LZTS1: variants seen among roughly 807,000 people sequenced by gnomAD.
LZTS1 encodes leucine zipper tumor suppressor 1.
In LZTS1, 31 loss-of-function variants were observed where a neutral mutation model predicts 45.8. The observed-to-expected ratio is 0.68, with a 90% CI of 0.51 to 0.91. The LOEUF is 0.91. Among genes scored for constraint, LZTS1 ranks in the 40% least tolerant of loss-of-function variants. The probability of loss-of-function intolerance (pLI) is 0.00; values close to 1 mark genes in which losing one functional copy is unlikely to be tolerated. For missense variants in LZTS1, 821 were observed against 788.9 expected (o/e 1.04, Z -0.49); for synonymous variants, 359 against 357.3 (o/e 1.00, Z -0.05).
chr8:20,301,912 C>T (rs756668160), intron 1 of LZTS1, among the ~76,000 whole-genome samples: 39 of 152,120 alleles, frequency 2.6e-4, no homozygotes, highest in Non-Finnish European at 4.3e-4. Context: ...AACTAACAAC[C>T]ATCTTCAGCA....
At chr8:20,254,158 T>C (rs1265668586) in intron 2 of LZTS1, among the ~76,000 whole-genome samples, 3 of 152,154 alleles carry the variant, frequency 2.0e-5, no homozygotes, top group East Asian at 1.9e-4. Context: ...TCCTAGTAAA[T>C]CAAAGCCGGG....
chr8:20,267,974 C>T (rs1800394841), intron 1 of LZTS1, among the ~76,000 whole-genome samples: 1 of 152,178 alleles, frequency 6.6e-6, no homozygotes, highest in Admixed American at 6.5e-5. Context: ...ATACCAAAGC[C>T]CGGCCACTGT....
chr8:20,276,477 T>C (rs1376874050), intron 1 of LZTS1, among the ~76,000 whole-genome samples: 1 of 152,192 alleles, frequency 6.6e-6, no homozygotes, highest in Non-Finnish European at 1.5e-5. Context: ...AGTTTCTGGA[T>C]AGTTGAACAC....
Position 20,249,997 on chromosome 8 carries a change from G to A in LZTS1, c.1516C>T (p.Arg506Trp), listed in dbSNP as rs759721425. The A allele has an allele frequency of 9.3e-6, 15 of 1,613,054 alleles. No homozygotes were observed. Among genetic ancestry groups the A allele is most frequent in the South Asian group, 5.5e-5 (5 of 91,072 alleles). Residue 506 changes from arginine (R) to tryptophan (W), a missense_variant, in exon 4 of 4, where the codon CGG (arginine) becomes TGG (tryptophan). Arg to Trp is a moderately radical substitution (Grantham distance 101). Transcript: ENST00000381569. ...TCCTCCCGCAGCTCGGCCCGCAGCC[G>A]CTCCAGCTCCCGCTGCAGGGCAGGG... ...DVPALQRELE[R>W]LRAELREERQ...
intron 1 of LZTS1, among the ~76,000 whole-genome samples, chr8:20,296,898 G>A (rs1400647846): frequency 6.6e-6 from 1 of 152,118 alleles, no homozygotes; most frequent in Non-Finnish European, 1.5e-5. Context: ...CACCGATTTG[G>A]CCTGTCACTT....
intron 1 of LZTS1, chr8:20,289,311 A>G (rs527597658): frequency 6.6e-6 from 1 of 152,336 alleles, no homozygotes; most frequent in South Asian, 2.1e-4. Context: ...ATCATTGGGT[A>G]TGGATGTAAC....
chr8:20,292,572 G>C (rs903890078), intron 1 of LZTS1, among the ~76,000 whole-genome samples: 10 of 152,240 alleles, frequency 6.6e-5, no homozygotes, highest in Non-Finnish European at 1.3e-4. Context: ...AGAGAAACAA[G>C]ACAGAAGAGT....
chr8:20,254,741 G>T, intron 2 of LZTS1, 96 bp downstream of exon 2: 1 of 1,043,992 alleles, frequency 9.6e-7, no homozygotes, highest in Non-Finnish European at 1.4e-6. Context: ...TGAATGCTCA[G>T]GTCACCACTC....
intron 1 of LZTS1, among the ~76,000 whole-genome samples, chr8:20,265,790 C>T (rs1800342750): frequency 6.6e-6 from 1 of 151,790 alleles, no homozygotes; most frequent in Non-Finnish European, 1.5e-5. Flanking sequence ...AGGCCTGGCT[C>T]CCATCTCCCT....
At chr8:20,275,069 A>G (rs1182452449) in intron 1 of LZTS1, among the ~76,000 whole-genome samples, 1 of 151,824 alleles carries the variant, frequency 6.6e-6, no homozygotes, top group Non-Finnish European at 1.5e-5. Flanking sequence ...ACAGATACTA[A>G]TGTGTGTGGA....
chr8:20,290,431 G>A (rs1345979643), intron 1 of LZTS1: 2 of 152,340 alleles, frequency 1.3e-5, no homozygotes, highest in East Asian at 3.9e-4. Flanking sequence ...GAGCTCTCCT[G>A]GAAGGTACAT....
intron 1 of LZTS1, among the ~76,000 whole-genome samples, chr8:20,259,133 G>A (rs185280008): frequency 5.3e-4 from 81 of 152,262 alleles, no homozygotes; most frequent in Non-Finnish European, 1.2e-4. Flanking sequence ...TTGCCGAGCA[G>A]CTGTACCTGC....
intron 3 of LZTS1, among the ~76,000 whole-genome samples, chr8:20,252,438 G>A (rs1232199081): frequency 6.6e-6 from 1 of 152,174 alleles, no homozygotes; most frequent in East Asian, 1.9e-4. Flanking sequence ...GGCACGGCTT[G>A]TTCTTCTTCT....
At chr8:20,270,819 GTGTGTGTGTGTGTT>G (rs1220114889) in intron 1 of LZTS1, among the ~76,000 whole-genome samples, 3 of 151,648 alleles carry the variant, frequency 2.0e-5, no homozygotes, top group East Asian at 3.9e-4. Context: ...GTGTGTGTGT[GTGTGTGTGTGTGTT>G]TGTGTGTGTG....
intron 1 of LZTS1, among the ~76,000 whole-genome samples, chr8:20,292,794 G>A (rs768454385): frequency 2.6e-5 from 4 of 152,158 alleles, no homozygotes; most frequent in Non-Finnish European, 5.9e-5. Context: ...CCCACAGCAC[G>A]TTAGTAGAAA....
At chr8:20,283,044 G>A (rs1271794564) in intron 1 of LZTS1, among the ~76,000 whole-genome samples, 1 of 152,182 alleles carries the variant, frequency 6.6e-6, no homozygotes, top group African/African-American at 2.4e-5. Context: ...GATGGATAGA[G>A]CCTGACTGGG....
At chr8:20,291,391 C>T (rs1013927461) in intron 1 of LZTS1, among the ~76,000 whole-genome samples, 2 of 152,202 alleles carry the variant, frequency 1.3e-5, no homozygotes, top group African/African-American at 4.8e-5. Context: ...TGCCTGGTTT[C>T]CTCCCTTTGG....
At chr8:20,275,404 CAAAAA>C (rs55847914) in intron 1 of LZTS1, among the ~76,000 whole-genome samples, 3 of 113,610 alleles carry the variant, frequency 2.6e-5, no homozygotes, top group Admixed American at 9.3e-5. Flanking sequence ...GACTTCATCT[CAAAAA>C]AAAAAAAAAA....
At position 20,246,788 on chromosome 8, in the gene LZTS1, C is replaced by T. The variant is rs1296270844; in HGVS notation, c.*2934G>A. 2 of 152,324 alleles carry T rather than the reference C, an allele frequency of 1.3e-5. No homozygotes were observed. Among genetic ancestry groups the T allele is most frequent in the Non-Finnish European group, 1.5e-5 (1 of 68,170 alleles). 9.4% of individuals were successfully genotyped at this position (152,324 alleles called of 1,614,324 possible). A position where few individuals can be genotyped will look rare whatever the true frequency, so the allele number is the denominator to read the frequency against. ...TGGTGAGGTGATGCGGAGTGCTGCT[C>T]TCTCCTGCAGGCGTCCTTTGGGGAC... On this transcript the variant is annotated 3_prime_UTR_variant, in exon 4 of 4. Coordinates refer to ENST00000381569, the MANE Select transcript of LZTS1 (RefSeq NM_021020.5).
Sources: allele counts gnomAD v4.1 joint callset (sites outside exome capture counted in the v4.1 genomes callset), GRCh38; gene constraint gnomAD v4.1.1; transcripts MANE v1.5; gene names NCBI Gene and HGNC (gene_info 2026-07-23, HGNC 2026-07-21).